Variants in LRP1B observed in about 807,000 individuals in gnomAD.
The protein encoded by LRP1B is low-density lipoprotein receptor-related protein 1B.
LRP1B carries 217 observed loss-of-function variants against 556.6 expected under a neutral mutation model. The observed-to-expected ratio is 0.39, with a 90% CI of 0.35 to 0.44. The LOEUF is 0.44. LRP1B is among the 20% of genes least tolerant of loss of function. LRP1B has a pLI of 1.00. For missense variants in LRP1B, 5,053 were observed against 5,620.8 expected (o/e 0.90, Z 3.23); for synonymous variants, 2,047 against 1,865.8 (o/e 1.10, Z -2.50).
chr2:142,005,754 A>T (rs1219549801), intron 1 of LRP1B, among the ~76,000 whole-genome samples: 1 of 152,026 alleles, frequency 6.6e-6, no homozygotes, highest in Non-Finnish European at 1.5e-5. Flanking sequence ...GCCTAATCTT[A>T]TTTCTCTAGT....
Position 140,781,021 on chromosome 2 carries a change from T to G in LRP1B, c.5360-4783A>C, listed in dbSNP as rs1689679715. ...GAAACTCAGTTCTGGATCATAGTTT[T>G]GGGTGGGTAGGGCTTCTAAGAGTAG... On this transcript the variant is annotated intron_variant, in intron 32 of 90. Coordinates refer to ENST00000389484, the MANE Select transcript of LRP1B (RefSeq NM_018557.3). 2.6e-5 allele frequency among the ~76,000 whole-genome samples: 4 copies of G among 152,164 alleles called. No individual in the cohort carries two copies. In the South Asian group the frequency reaches 6.2e-4, roughly 24 times the overall value.
At chr2:141,424,480 A>C (rs960472408) in intron 3 of LRP1B, among the ~76,000 whole-genome samples, 1 of 152,210 alleles carries the variant, frequency 6.6e-6, no homozygotes, top group Admixed American at 6.5e-5. Context: ...AGGACATTGC[A>C]ATGTGACTCA....
At chr2:141,164,118 C>T (rs570391064) in intron 7 of LRP1B, among the ~76,000 whole-genome samples, 5 of 152,056 alleles carry the variant, frequency 3.3e-5, no homozygotes, top group Admixed American at 3.3e-4. Flanking sequence ...ATAATTATTG[C>T]TCTACAAAGA....
rs1691475642 is a variant in LRP1B at position 141,690,401 on chromosome 2, ATATATATATATATAT to A, written c.205+119863_205+119877del. Among the ~76,000 whole-genome samples the A allele has an allele frequency of 3.3e-3, 354 of 107,546 alleles. 19 individuals carry two copies. The highest frequency in any genetic ancestry group is 0.021 in the Admixed American group (209 of 9,978). 70.6% of individuals were successfully genotyped at this position (107,546 alleles called of 152,430 possible). A position where few individuals can be genotyped will look rare whatever the true frequency, so the allele number is the denominator to read the frequency against. Reference sequence around the variant, plus strand: ...GAAAAGGGATTACATCTATAAATATATATATATATATATATATATATATATATATATATATATATA... The same window carrying A: ...GAAAAGGGATTACATCTATAAATATAATATATATATATATATATATATATA... On this transcript the variant is annotated intron_variant, in intron 2 of 90. Transcript: ENST00000389484.
At chr2:142,006,279 T>A (rs2105146063) in intron 1 of LRP1B, among the ~76,000 whole-genome samples, 1 of 152,242 alleles carries the variant, frequency 6.6e-6, no homozygotes, top group South Asian at 2.1e-4. Context: ...TTACACTAAT[T>A]ACAAATATGC....
At chr2:140,493,017 G>T (rs983302643) in intron 56 of LRP1B, among the ~76,000 whole-genome samples, 2 of 152,124 alleles carry the variant, frequency 1.3e-5, no homozygotes, top group African/African-American at 4.8e-5. Flanking sequence ...TGCAGAAAAA[G>T]ATAATCTTCA....
intron 3 of LRP1B, among the ~76,000 whole-genome samples, chr2:141,264,069 A>G: frequency 6.6e-6 from 1 of 152,204 alleles, no homozygotes; most frequent in East Asian, 1.9e-4. Context: ...TATATTCAGT[A>G]ATATATTGAA....
chr2:141,715,681 G>C (rs1045372887), intron 2 of LRP1B, among the ~76,000 whole-genome samples: 1 of 152,028 alleles, frequency 6.6e-6, no homozygotes, highest in African/African-American at 2.4e-5. Flanking sequence ...TGGGCATTGT[G>C]GTGGGTGCCT....
chr2:141,865,884 C>T (rs1191486884), intron 1 of LRP1B, among the ~76,000 whole-genome samples: 3 of 152,188 alleles, frequency 2.0e-5, no homozygotes, highest in African/African-American at 7.2e-5. Flanking sequence ...AGTGTTTCTT[C>T]CACTCTAGGT....
At chr2:140,986,054 ATTATT>A (rs1334518642) in intron 17 of LRP1B, among the ~76,000 whole-genome samples, 1 of 151,354 alleles carries the variant, frequency 6.6e-6, no homozygotes, top group Non-Finnish European at 1.5e-5. Context: ...ACTATATAAA[ATTATT>A]TTATATTTTA....
intron 5 of LRP1B, among the ~76,000 whole-genome samples, chr2:141,236,549 A>G (rs1204948720): frequency 1.3e-5 from 2 of 152,200 alleles, no homozygotes; most frequent in Non-Finnish European, 2.9e-5. Context: ...CATGGTAACT[A>G]TAGTTAATGA....
intron 11 of LRP1B, among the ~76,000 whole-genome samples, chr2:141,030,425 T>C (rs76493059): frequency 0.035 from 5,282 of 152,216 alleles, 131 homozygotes; most frequent in Middle Eastern, 0.068. Context: ...ACCTTGCAAT[T>C]TGAAATTCCT....
At chr2:141,888,835 G>A (rs966318927) in intron 1 of LRP1B, among the ~76,000 whole-genome samples, 2 of 152,126 alleles carry the variant, frequency 1.3e-5, no homozygotes, top group African/African-American at 2.4e-5. Flanking sequence ...ATGTGTTGAA[G>A]GATGACTATT....
At chr2:140,784,943 T>C (rs980999123) in intron 32 of LRP1B, among the ~76,000 whole-genome samples, 13 of 152,136 alleles carry the variant, frequency 8.5e-5, no homozygotes, top group African/African-American at 3.1e-4. Context: ...ACATTATTTT[T>C]CAGAACTGAA....
intron 3 of LRP1B, among the ~76,000 whole-genome samples, chr2:141,380,887 A>G (rs1689615167): frequency 6.6e-6 from 1 of 152,144 alleles, no homozygotes; most frequent in Admixed American, 6.5e-5. Context: ...GATAAGCTCA[A>G]AGGTGGGAGG....
intron 25 of LRP1B, among the ~76,000 whole-genome samples, chr2:140,873,237 A>G (rs1415457264): frequency 2.0e-5 from 3 of 152,094 alleles, no homozygotes; most frequent in Non-Finnish European, 4.4e-5. Context: ...GGGGTTACAA[A>G]AGTATAAACC....
chr2:141,317,931 G>C (rs1401311615), intron 3 of LRP1B, among the ~76,000 whole-genome samples: 1 of 151,994 alleles, frequency 6.6e-6, no homozygotes, highest in African/African-American at 2.4e-5. Context: ...TGCCATTCTT[G>C]GTGGCATGAG....
chr2:141,091,724 G>A (rs1700176391), intron 7 of LRP1B, among the ~76,000 whole-genome samples: 1 of 152,116 alleles, frequency 6.6e-6, no homozygotes, highest in African/African-American at 2.4e-5. Flanking sequence ...ATGAATGAAG[G>A]AATACAAATT....
rs141404258 is a variant in LRP1B at position 140,983,142 on chromosome 2, C to T, written c.2771-866G>A. 2.7e-3 allele frequency among the ~76,000 whole-genome samples: 414 copies of T among 152,186 alleles called. 1 individual carries two copies. The highest frequency in any genetic ancestry group is 9.6e-3 in the African/African-American group (399 of 41,540). ...TCTTCCCCCAGGCCTTTGGTAGTGA[C>T]ATGCTTAGTTGTTTTTATCCTCTGA... On this transcript the variant is annotated intron_variant, in intron 17 of 90. Coordinates refer to ENST00000389484, the MANE Select transcript of LRP1B (RefSeq NM_018557.3).
Sources: allele counts gnomAD v4.1 joint callset (sites outside exome capture counted in the v4.1 genomes callset), GRCh38; gene constraint gnomAD v4.1.1; transcripts MANE v1.5; gene names NCBI Gene and HGNC (gene_info 2026-07-23, HGNC 2026-07-21).